PDE2A: variants seen among roughly 807,000 people sequenced by gnomAD.
PDE2A encodes the protein phosphodiesterase 2A, also known as cGMP-dependent 3',5'-cyclic phosphodiesterase.
In PDE2A, 53 loss-of-function variants were observed where a neutral mutation model predicts 133.6. The observed-to-expected ratio is 0.40, with a 90% CI of 0.32 to 0.50. The LOEUF (loss-of-function observed/expected upper bound fraction) is 0.50. Among genes scored for constraint, PDE2A ranks in the 20% least tolerant of loss-of-function variants. The pLI is 0.73. For synonymous variants in PDE2A, 491 were observed against 490.2 expected (o/e 1.00, Z -0.02); for missense variants, 796 against 1,232.4 (o/e 0.65, Z 5.30).
intron 1 of PDE2A, among the ~76,000 whole-genome samples, chr11:72,653,982 C>T (rs1212507860): frequency 3.3e-5 from 5 of 152,208 alleles, no homozygotes; most frequent in African/African-American, 1.2e-4. Flanking sequence ...CCACCTCCAC[C>T]CCAAGTGACA....
At chr11:72,636,052 G>A in intron 2 of PDE2A, 2 of 1,275,202 alleles carry the variant, frequency 1.6e-6, no homozygotes, top group Non-Finnish European at 2.0e-6. Flanking sequence ...CCGTGGATGG[G>A]AGGCATGCAA....
chr11:72,629,608 T>A (rs1446760210), intron 2 of PDE2A, among the ~76,000 whole-genome samples: 15 of 152,228 alleles, frequency 9.9e-5, no homozygotes, highest in Admixed American at 9.8e-4. Flanking sequence ...CCAGCCCCAC[T>A]TGGAGGCACA....
intron 2 of PDE2A, among the ~76,000 whole-genome samples, chr11:72,633,178 C>A (rs778318041): frequency 2.1e-4 from 30 of 141,760 alleles, no homozygotes; most frequent in Non-Finnish European, 4.0e-4. Context: ...TGGGGTCAGA[C>A]CAGGACCCTA....
At chr11:72,621,952 AG>A (rs1857792289) in intron 2 of PDE2A, 3 of 152,244 alleles carry the variant, frequency 2.0e-5, no homozygotes, top group Admixed American at 6.5e-5. Context: ...TCTGATAAAG[AG>A]GTAATATCTG....
intron 2 of PDE2A, among the ~76,000 whole-genome samples, chr11:72,617,263 T>C (rs1253553281): frequency 6.6e-6 from 1 of 151,958 alleles, no homozygotes; most frequent in East Asian, 1.9e-4. Context: ...CTAGGGTTAG[T>C]GTGGGCCTGC....
At chr11:72,625,919 A>T (rs1027624518) in intron 2 of PDE2A, among the ~76,000 whole-genome samples, 2 of 152,118 alleles carry the variant, frequency 1.3e-5, no homozygotes, top group Non-Finnish European at 2.9e-5. Flanking sequence ...TTGTTCTCTC[A>T]GTGTTTACAG....
intron 2 of PDE2A, among the ~76,000 whole-genome samples, chr11:72,626,728 C>A (rs554942882): frequency 3.8e-4 from 58 of 152,328 alleles, no homozygotes; most frequent in African/African-American, 1.3e-3. Flanking sequence ...AACCTGGCTC[C>A]CGCCCCTGCC....
intron 26 of PDE2A, 32 bp downstream of exon 26, chr11:72,579,502 C>A (rs1291670073): frequency 2.5e-6 from 4 of 1,576,868 alleles, no homozygotes; most frequent in Admixed American, 1.8e-5. Context: ...CCAGCTCCCC[C>A]TCAATCCCCA....
intron 1 of PDE2A, chr11:72,658,154 GC>G (rs1206519973): frequency 9.4e-5 from 43 of 456,106 alleles, no homozygotes; most frequent in Non-Finnish European, 1.1e-4. Flanking sequence ...CCTCTGGGAA[GC>G]CTTTCAGGAT....
Position 72,578,356 on chromosome 11 carries a change from GT to G in PDE2A, c.2509-18del. 2 of 1,590,774 alleles carry G rather than the reference GT, an allele frequency of 1.3e-6. No homozygotes were observed. The highest frequency in any genetic ancestry group is 1.7e-6 in the Non-Finnish European group (2 of 1,158,896). On this transcript the variant is annotated intron_variant, in intron 29 of 30. Transcript: ENST00000334456. The surrounding 1 kb of genome is among the most constrained non-coding windows in gnomAD (Gnocchi z 4.2). ...GGCCTTCTCCTGCAGGCATCGAGTCGTCAGGCCTGTCCCTCTCATTCCTCCA... is the reference window on the plus strand; with the variant it reads ...GGCCTTCTCCTGCAGGCATCGAGTCGCAGGCCTGTCCCTCTCATTCCTCCA...
intron 2 of PDE2A, among the ~76,000 whole-genome samples, chr11:72,613,526 C>T (rs1857317201): frequency 6.6e-6 from 1 of 151,966 alleles, no homozygotes; most frequent in Admixed American, 6.6e-5. Flanking sequence ...CCGACGTCCA[C>T]CTCTGTCCCA....
At chr11:72,635,728 T>C (rs896207045) in intron 2 of PDE2A, among the ~76,000 whole-genome samples, 2 of 152,236 alleles carry the variant, frequency 1.3e-5, no homozygotes, top group Non-Finnish European at 2.9e-5. Flanking sequence ...AAAAATGGTC[T>C]TGTGCAAGAA....
rs753954899 is a variant in PDE2A at position 72,584,865 on chromosome 11, C to T, written c.1359+7G>A. 3.7e-6 allele frequency: 6 copies of T among 1,613,500 alleles called. No homozygotes were observed. The African/African-American group carries it at 8.0e-5, about 22-fold the overall frequency. On this transcript the variant is annotated splice_region_variant and intron_variant, in intron 17 of 30. Transcript: ENST00000334456. Reference sequence around the variant, plus strand: ...TAGGGCCACATACTCCCTCCACACCCTCTCACCTCATCATCCACCACGCCC... The same window carrying T: ...TAGGGCCACATACTCCCTCCACACCTTCTCACCTCATCATCCACCACGCCC...
intron 1 of PDE2A, chr11:72,658,306 C>T (rs139440490): frequency 2.7e-6 from 1 of 364,222 alleles, no homozygotes; most frequent in African/African-American, 2.1e-5. Context: ...GATCTTCCCA[C>T]CTAGCTACCC....
chr11:72,674,083 T>C, intron 1 of PDE2A, 54 bp downstream of exon 1: 1 of 1,565,952 alleles, frequency 6.4e-7, no homozygotes, highest in Non-Finnish European at 8.8e-7. Flanking sequence ...CCCAGGACCC[T>C]GTCTGTGGCA....
At chr11:72,579,456 C>T (rs1356685444) in intron 26 of PDE2A, 73 bp from the exon 27 acceptor site, 2 of 1,555,078 alleles carry the variant, frequency 1.3e-6, no homozygotes, top group South Asian at 1.1e-5. Context: ...AGTGAGCCTC[C>T]ACTCCTTGGC....
At chr11:72,611,009 C>T (rs1018746014) in intron 2 of PDE2A, among the ~76,000 whole-genome samples, 6 of 152,190 alleles carry the variant, frequency 3.9e-5, no homozygotes, top group Admixed American at 1.3e-4. Flanking sequence ...TCCAGATGCA[C>T]GCTCCCCAGA....
intron 13 of PDE2A, chr11:72,588,092 A>G (rs1051415609): frequency 6.6e-5 from 10 of 152,350 alleles, no homozygotes; most frequent in African/African-American, 2.2e-4. Context: ...TCATCCTGCC[A>G]GCCCAAGTGT....
chr11:72,583,426 T>G lies in PDE2A; in HGVS notation c.1728+12A>C. 1 of 1,592,564 alleles carries G rather than the reference T, an allele frequency of 6.3e-7. No homozygotes were observed. Among genetic ancestry groups the G allele is most frequent in the East Asian group, 2.2e-5 (1 of 44,772 alleles). On this transcript the variant is annotated intron_variant, in intron 20 of 30. Transcript: ENST00000334456. ...ATCTGGGAGGAGGACCAGAGGTCTC[T>G]GCAAGCCTCACCTTCATGTGGTACA...
Sources: allele counts gnomAD v4.1 joint callset (sites outside exome capture counted in the v4.1 genomes callset), GRCh38; gene constraint gnomAD v4.1.1; non-coding constraint Gnocchi (gnomAD v3.1); transcripts MANE v1.5; gene names NCBI Gene and HGNC (gene_info 2026-07-23, HGNC 2026-07-21).